Variants in UBAC2 observed in about 807,000 individuals in gnomAD.
The protein encoded by UBAC2 is ubiquitin-associated domain-containing protein 2.
In UBAC2, 26 loss-of-function variants were observed where a neutral mutation model predicts 44.0. The observed-to-expected ratio is 0.59, with a 90% CI of 0.43 to 0.82. UBAC2 has a LOEUF of 0.82. UBAC2 is among the 40% of genes least tolerant of loss of function. The pLI, the probability that UBAC2 is intolerant of heterozygous loss-of-function variation, is 0.00. For missense variants in UBAC2, 329 were observed against 419.4 expected (o/e 0.78, Z 1.88); for synonymous variants, 155 against 154.3 (o/e 1.00, Z -0.04).
intron 4 of UBAC2, among the ~76,000 whole-genome samples, chr13:99,289,504 T>G (rs1429118440): frequency 6.6e-6 from 1 of 152,188 alleles, no homozygotes; most frequent in East Asian, 1.9e-4. Context: ...GGGGAACTAT[T>G]CTCAATCCCT....
intron 4 of UBAC2, among the ~76,000 whole-genome samples, chr13:99,258,780 C>T (rs72648093): frequency 0.094 from 14,332 of 152,124 alleles, 736 homozygotes; most frequent in East Asian, 0.13. Context: ...CCAGAAAGAT[C>T]CCAAGTGCTT....
chr13:99,321,632 C>A (rs930966443), intron 6 of UBAC2, among the ~76,000 whole-genome samples: 1 of 152,064 alleles, frequency 6.6e-6, no homozygotes, highest in Non-Finnish European at 1.5e-5. Context: ...TCCTCGGTGT[C>A]CCTTATTCTT....
intron 4 of UBAC2, among the ~76,000 whole-genome samples, chr13:99,266,214 T>G (rs2043742089): frequency 6.6e-6 from 1 of 151,658 alleles, no homozygotes; most frequent in Admixed American, 6.6e-5. Context: ...TTATATTACA[T>G]AATACTATAT....
chr13:99,338,039 CTTTTTTTCTTTTTTTT>C (rs1196531223), intron 6 of UBAC2, among the ~76,000 whole-genome samples: 11 of 91,564 alleles, frequency 1.2e-4, no homozygotes, highest in African/African-American at 5.0e-4. Flanking sequence ...AACTTTTTTT[CTTTTTTTCTTTTTTTT>C]TTTTTTTTTT....
At chr13:99,298,786 G>A (rs891534912) in intron 4 of UBAC2, among the ~76,000 whole-genome samples, 2 of 152,194 alleles carry the variant, frequency 1.3e-5, no homozygotes, top group African/African-American at 4.8e-5. Flanking sequence ...AAGGCTTCAT[G>A]TGAAAAGCAG....
intron 6 of UBAC2, among the ~76,000 whole-genome samples, chr13:99,318,747 G>T (rs567709824): frequency 6.7e-6 from 1 of 149,492 alleles, no homozygotes; most frequent in South Asian, 2.2e-4. Flanking sequence ...CGTGGAACCC[G>T]AGAGGTGGAG....
chr13:99,255,438 G>T, intron 4 of UBAC2: 2 of 1,614,074 alleles, frequency 1.2e-6, no homozygotes, highest in South Asian at 2.2e-5. Flanking sequence ...TCATTATCCA[G>T]ACTCCCACAC....
chr13:99,210,157 C>G (rs916322617), intron 1 of UBAC2, among the ~76,000 whole-genome samples: 1 of 152,106 alleles, frequency 6.6e-6, no homozygotes, highest in African/African-American at 2.4e-5. Context: ...ATTTATTCGT[C>G]TTTTCTTTTT....
chr13:99,218,782 C>G (rs1426709135), intron 1 of UBAC2, among the ~76,000 whole-genome samples: 1 of 152,096 alleles, frequency 6.6e-6, no homozygotes, highest in Non-Finnish European at 1.5e-5. Context: ...AACCTGGAAC[C>G]TTTTGATCCC....
At position 99,295,536 on chromosome 13, in the gene UBAC2, C is replaced by T; in HGVS notation, c.390-18561C>T. On this transcript the variant is annotated intron_variant, in intron 4 of 8. Coordinates refer to ENST00000403766, the MANE Select transcript of UBAC2 (RefSeq NM_001144072.2). The surrounding 1 kb of genome is among the most constrained non-coding windows in gnomAD (Gnocchi z 4.1). The stretch of plus-strand genomic sequence containing the variant: ...ATGATTATAAGTGGAAGTACATATC[C>T]TATGAAACATGCCCCAAGCAGAATC... 1 of 1,613,916 alleles carries T rather than the reference C, an allele frequency of 6.2e-7. No homozygotes were observed. The highest frequency in any genetic ancestry group is 8.5e-7 in the Non-Finnish European group (1 of 1,180,006).
At chr13:99,336,974 T>C (rs1277824655) in intron 6 of UBAC2, among the ~76,000 whole-genome samples, 1 of 150,530 alleles carries the variant, frequency 6.6e-6, no homozygotes, top group African/African-American at 2.4e-5. Flanking sequence ...TCTTTCTCCC[T>C]CCCTTCTGTG....
intron 4 of UBAC2, among the ~76,000 whole-genome samples, chr13:99,247,325 C>T (rs1432869423): frequency 6.6e-6 from 1 of 151,852 alleles, no homozygotes; most frequent in African/African-American, 2.4e-5. Context: ...CGCCATTCTC[C>T]TGCCTCAGCC....
intron 1 of UBAC2, among the ~76,000 whole-genome samples, chr13:99,235,237 T>A (rs1053720052): frequency 1.3e-5 from 2 of 152,132 alleles, no homozygotes; most frequent in African/African-American, 4.8e-5. Flanking sequence ...ATGTGCAATA[T>A]ATGTGCAAGG....
At chr13:99,323,030 G>A (rs575755498) in intron 6 of UBAC2, among the ~76,000 whole-genome samples, 2 of 152,256 alleles carry the variant, frequency 1.3e-5, no homozygotes, top group East Asian at 1.9e-4. Flanking sequence ...CATCTTTAGA[G>A]TATGTTTTGA....
chr13:99,256,710 C>CA (rs3031409), intron 4 of UBAC2, among the ~76,000 whole-genome samples: 84,112 of 145,970 alleles, frequency 0.58, 24,529 homozygotes, highest in Middle Eastern at 0.72. Context: ...TTTCCATCAC[C>CA]AAAAAAAAAA....
At chr13:99,294,547 A>G (rs1227902157) in intron 4 of UBAC2, 2 of 152,966 alleles carry the variant, frequency 1.3e-5, no homozygotes, top group African/African-American at 2.4e-5. Flanking sequence ...ACTTTGCAGC[A>G]TCCTGCTCTT....
intron 2 of UBAC2, among the ~76,000 whole-genome samples, chr13:99,243,007 G>C (rs1023737612): frequency 3.9e-5 from 6 of 151,970 alleles, no homozygotes; most frequent in African/African-American, 1.4e-4. Context: ...GCCGGGCAGA[G>C]ACGCTCCTCA....
intron 6 of UBAC2, among the ~76,000 whole-genome samples, chr13:99,338,278 A>G (rs143250374): frequency 7.3e-4 from 111 of 151,934 alleles, no homozygotes; most frequent in African/African-American, 2.6e-3. Flanking sequence ...GGCTGGTCTC[A>G]AACTCCTGAC....
intron 6 of UBAC2, among the ~76,000 whole-genome samples, chr13:99,338,057 T>C (rs1245226025): frequency 2.0e-4 from 17 of 86,344 alleles, no homozygotes; most frequent in African/African-American, 4.4e-4. Context: ...CTTTTTTTTT[T>C]TTTTTTTTTT....
Sources: allele counts gnomAD v4.1 joint callset (sites outside exome capture counted in the v4.1 genomes callset), GRCh38; gene constraint gnomAD v4.1.1; non-coding constraint Gnocchi (gnomAD v3.1); transcripts MANE v1.5; gene names NCBI Gene and HGNC (gene_info 2026-07-23, HGNC 2026-07-21).